CLMP: variants seen among roughly 807,000 people sequenced by gnomAD.
CLMP encodes the protein CXADR-like membrane protein.
Under a neutral mutation model 45.2 loss-of-function variants are expected in CLMP, and 27 were observed. That is an observed-to-expected ratio of 0.60 (90% CI 0.44 to 0.82). CLMP has a LOEUF of 0.82. CLMP is among the 40% of genes least tolerant of loss of function. CLMP has a pLI of 0.00. For synonymous variants in CLMP, 167 were observed against 171.4 expected, an observed-to-expected ratio of 0.97 and a Z score of 0.20; for missense variants, 403 against 448.4, an observed-to-expected ratio of 0.90 and a Z score of 0.91.
chr11:123,104,701 A>G (rs1860512934), intron 1 of CLMP, among the ~76,000 whole-genome samples: 1 of 152,032 alleles, frequency 6.6e-6, no homozygotes, highest in South Asian at 2.1e-4. Flanking sequence ...CTTTAACTCC[A>G]AGGCTTAGCA....
intron 4 of CLMP, 149 bp downstream of exon 4, chr11:123,083,531 G>A: frequency 1.3e-6 from 1 of 767,844 alleles, no homozygotes. Context: ...CAGATTTTCT[G>A]TTCTAGTTAA....
intron 1 of CLMP, among the ~76,000 whole-genome samples, chr11:123,116,302 C>T (rs946613139): frequency 1.3e-5 from 2 of 152,064 alleles, no homozygotes; most frequent in African/African-American, 4.8e-5. Flanking sequence ...CATGGTGGCT[C>T]ACGCCTGTAA....
intron 1 of CLMP, among the ~76,000 whole-genome samples, chr11:123,178,426 T>C (rs1861727525): frequency 6.6e-6 from 1 of 152,228 alleles, no homozygotes; most frequent in Admixed American, 6.5e-5. Context: ...AGCATTTTTC[T>C]CATTTTCGCA....
intron 5 of CLMP, among the ~76,000 whole-genome samples, chr11:123,075,524 C>T (rs565333947): frequency 7.6e-4 from 115 of 151,158 alleles, no homozygotes; most frequent in African/African-American, 2.5e-3. Context: ...GTAGCTGGGA[C>T]TACAGACGCC....
At chr11:123,079,753 G>A (rs1423826802) in intron 5 of CLMP, among the ~76,000 whole-genome samples, 1 of 152,094 alleles carries the variant, frequency 6.6e-6, no homozygotes, top group African/African-American at 2.4e-5. Context: ...CCTGACTGTT[G>A]TGTTTTTAAG....
At chr11:123,078,979 T>C (rs1865771490) in intron 5 of CLMP, among the ~76,000 whole-genome samples, 2 of 151,924 alleles carry the variant, frequency 1.3e-5, no homozygotes, top group South Asian at 2.1e-4. Context: ...GGTTTTGGCA[T>C]GTTGGTCAGG....
At chr11:123,141,896 TC>T (rs1209301335) in intron 1 of CLMP, among the ~76,000 whole-genome samples, 1 of 151,916 alleles carries the variant, frequency 6.6e-6, no homozygotes, top group Non-Finnish European at 1.5e-5. Context: ...ACTCAAAATT[TC>T]TCCTCTCCAC....
At position 123,125,048 on chromosome 11, in the gene CLMP, T is replaced by C. The variant is rs147694187; in HGVS notation, c.29-27096A>G. Among the ~76,000 whole-genome samples, 1,184 of 152,132 alleles carry C rather than the reference T, an allele frequency of 7.8e-3. 8 individuals are homozygous for C. Among genetic ancestry groups the C allele is most frequent in the Non-Finnish European group, 0.013 (858 of 67,986 alleles). On this transcript the variant is annotated intron_variant, in intron 1 of 6. Coordinates refer to ENST00000448775, the MANE Select transcript of CLMP (RefSeq NM_024769.5). Reference sequence around the variant, plus strand: ...AGTAGCTGGGACAATAGGTGTGCACTACCATGCCTAGCTAATTTTCTGTAT... The same window carrying C: ...AGTAGCTGGGACAATAGGTGTGCACCACCATGCCTAGCTAATTTTCTGTAT...
chr11:123,082,130 CTG>C (rs755683993), intron 5 of CLMP, among the ~76,000 whole-genome samples: 5 of 152,206 alleles, frequency 3.3e-5, no homozygotes, highest in Non-Finnish European at 7.3e-5. Flanking sequence ...CACAAACACT[CTG>C]TGGAGGGGAG....
chr11:123,119,574 A>T (rs1860784490), intron 1 of CLMP, among the ~76,000 whole-genome samples: 1 of 152,248 alleles, frequency 6.6e-6, no homozygotes, highest in South Asian at 2.1e-4. Flanking sequence ...TAATGTAAGC[A>T]TATGGTAAAC....
At chr11:123,164,397 G>A (rs1326462884) in intron 1 of CLMP, among the ~76,000 whole-genome samples, 1 of 152,080 alleles carries the variant, frequency 6.6e-6, no homozygotes, top group African/African-American at 2.4e-5. Context: ...TCTGCCTCCC[G>A]GGTTCAAGCA....
At chr11:123,194,808 C>T (rs1861956703) in intron 1 of CLMP, 105 bp downstream of exon 1, 1 of 1,440,148 alleles carries the variant, frequency 6.9e-7, no homozygotes, top group South Asian at 1.2e-5. Flanking sequence ...AGCCGGCTGA[C>T]TCCAGGGGCT....
At chr11:123,112,142 A>C (rs929618635) in intron 1 of CLMP, among the ~76,000 whole-genome samples, 1 of 152,096 alleles carries the variant, frequency 6.6e-6, no homozygotes, top group Non-Finnish European at 1.5e-5. Context: ...CTTCAGGGAG[A>C]TTAAGGAATT....
At chr11:123,144,937 T>A (rs1591476363) in intron 1 of CLMP, among the ~76,000 whole-genome samples, 1 of 151,876 alleles carries the variant, frequency 6.6e-6, no homozygotes, top group African/African-American at 2.4e-5. Context: ...CAGGCTCGAG[T>A]GCTGCACCAG....
rs571596329 is a variant in CLMP, at chr11:123,074,830, G to A, written c.693C>T (p.Ile231=). Residue 231 remains isoleucine, a synonymous_variant, in exon 6 of 7, where the codon ATC becomes ATT. Transcript: ENST00000448775. ...CTGTCACTGCTCCTGCAACCATGCC[G>A]ATGCTTTGTACATCTATTTTCTCAG... ...VRVTVQYVQS[I]GMVAGAVTGI... is the part of the protein sequence containing the mutation. 3.7e-6 allele frequency: 6 copies of A among 1,613,554 alleles called. No homozygotes were observed. Among genetic ancestry groups the A allele is most frequent in the Admixed American group, 1.7e-5 (1 of 59,836 alleles).
chr11:123,142,421 G>T (rs1354993427), intron 1 of CLMP, among the ~76,000 whole-genome samples: 4 of 152,156 alleles, frequency 2.6e-5, no homozygotes, highest in African/African-American at 9.7e-5. Context: ...AATGCAAGTT[G>T]TTGAAGCTGT....
At chr11:123,115,116 A>G (rs1447629724) in intron 1 of CLMP, among the ~76,000 whole-genome samples, 2 of 152,040 alleles carry the variant, frequency 1.3e-5, no homozygotes, top group African/African-American at 2.4e-5. Context: ...ATCATAGCTC[A>G]CTGCAGCCTG....
At chr11:123,080,575 C>T (rs1337299370) in intron 5 of CLMP, among the ~76,000 whole-genome samples, 1 of 152,070 alleles carries the variant, frequency 6.6e-6, no homozygotes, top group Non-Finnish European at 1.5e-5. Flanking sequence ...GATCTGCCCG[C>T]CTTGGCCTCC....
chr11:123,122,834 CT>C lies in CLMP; in HGVS notation c.29-24883del, dbSNP rs1591467267. Among the ~76,000 whole-genome samples, 3 of 152,166 alleles carry C rather than the reference CT, an allele frequency of 2.0e-5. No individual in the cohort carries two copies. The East Asian group carries it at 5.8e-4, about 29-fold the overall frequency. ...CCTGTCTTCCCTCCTTTCCTTCTTC[CT>C]TTCTTTCTACTCACCAGGCATGTTG... On this transcript the variant is annotated intron_variant, in intron 1 of 6. Coordinates refer to ENST00000448775, the MANE Select transcript of CLMP (RefSeq NM_024769.5).
Sources: allele counts gnomAD v4.1 joint callset (sites outside exome capture counted in the v4.1 genomes callset), GRCh38; gene constraint gnomAD v4.1.1; transcripts MANE v1.5; gene names NCBI Gene and HGNC (gene_info 2026-07-23, HGNC 2026-07-21).